The following DAB1 variants were observed in gnomAD, a reference collection of about 807,000 sequenced individuals.
The protein encoded by DAB1 is DAB adaptor protein 1, also known as disabled homolog 1.
In DAB1, 15 loss-of-function variants were observed where a neutral mutation model predicts 64.6. That is an observed-to-expected ratio of 0.23 (90% CI 0.16 to 0.36). The LOEUF is 0.36. Among genes scored for constraint, DAB1 ranks in the 10% least tolerant of loss-of-function variants. DAB1 has a pLI of 1.00. For synonymous variants in DAB1, 235 were observed against 251.9 expected (o/e 0.93, Z 0.64); for missense variants, 596 against 706.7 (o/e 0.84, Z 1.78).
intron 3 of DAB1, among the ~76,000 whole-genome samples, chr1:58,492,178 G>A (rs1365160905): frequency 3.9e-5 from 6 of 152,094 alleles, no homozygotes; most frequent in African/African-American, 9.7e-5. Context: ...GGTACATAAC[G>A]AAATGAAGGC....
At chr1:57,590,735 A>AACACACACACACACAC (rs58957864) in intron 7 of DAB1, among the ~76,000 whole-genome samples, 2 of 132,354 alleles carry the variant, frequency 1.5e-5, no homozygotes, top group Non-Finnish European at 3.2e-5. Flanking sequence ...TGTAGTCCGT[A>AACACACACACACACAC]ACACACACAC....
At chr1:57,815,642 T>A (rs936149588) in intron 6 of DAB1, among the ~76,000 whole-genome samples, 4 of 151,800 alleles carry the variant, frequency 2.6e-5, no homozygotes, top group Admixed American at 6.6e-5. Context: ...TAAATGTATT[T>A]TGTTTTCCTT....
intron 9 of DAB1, among the ~76,000 whole-genome samples, chr1:57,031,917 G>A (rs1646977360): frequency 6.6e-6 from 1 of 152,136 alleles, no homozygotes; most frequent in Non-Finnish European, 1.5e-5. Flanking sequence ...ATTTTCCAGG[G>A]GTAAGAAGAG....
At chr1:57,975,476 G>C (rs552855080) in intron 5 of DAB1, among the ~76,000 whole-genome samples, 4 of 152,278 alleles carry the variant, frequency 2.6e-5, no homozygotes, top group Admixed American at 1.3e-4. Context: ...GTGTCCTGAA[G>C]GATAGAAGTT....
At chr1:58,202,149 A>G (rs1658030627) in intron 4 of DAB1, among the ~76,000 whole-genome samples, 1 of 152,256 alleles carries the variant, frequency 6.6e-6, no homozygotes, top group Non-Finnish European at 1.5e-5. Context: ...GTTAGCTTTA[A>G]AGACAAAAAA....
At chr1:57,542,485 A>G (rs1192303285) in intron 7 of DAB1, among the ~76,000 whole-genome samples, 1 of 149,906 alleles carries the variant, frequency 6.7e-6, no homozygotes, top group African/African-American at 2.5e-5. Flanking sequence ...GGACCAAGAC[A>G]GTGAAAATGA....
chr1:57,334,795 C>CT, intron 1 of DAB1, among the ~76,000 whole-genome samples: 1 of 152,254 alleles, frequency 6.6e-6, no homozygotes, highest in South Asian at 2.1e-4. Context: ...GTGAACCTGC[C>CT]TAAGGTCATC....
chr1:58,275,295 G>A (rs1006071829), intron 4 of DAB1, among the ~76,000 whole-genome samples: 8 of 152,100 alleles, frequency 5.3e-5, no homozygotes, highest in African/African-American at 1.7e-4. Context: ...ATATTACGCC[G>A]AAAGAAGAAA....
intron 7 of DAB1, among the ~76,000 whole-genome samples, chr1:57,525,602 A>C (rs1161877393): frequency 6.6e-6 from 1 of 152,202 alleles, no homozygotes; most frequent in Non-Finnish European, 1.5e-5. Flanking sequence ...AAATAAACGT[A>C]TTGAAAAGAT....
intron 3 of DAB1, among the ~76,000 whole-genome samples, chr1:58,361,868 T>A (rs1007120936): frequency 3.8e-5 from 4 of 105,808 alleles, no homozygotes; most frequent in African/African-American, 1.3e-4. Flanking sequence ...TCCCCCTTTT[T>A]TTTTTTTTTT....
intron 9 of DAB1, among the ~76,000 whole-genome samples, chr1:57,048,851 C>T (rs938582137): frequency 2.0e-5 from 3 of 152,242 alleles, no homozygotes; most frequent in African/African-American, 7.2e-5. Context: ...GGGGTGATCA[C>T]TGTTATTCAG....
chr1:57,377,425 A>G (rs1242360031), intron 1 of DAB1, among the ~76,000 whole-genome samples: 2 of 152,200 alleles, frequency 1.3e-5, no homozygotes, highest in African/African-American at 4.8e-5. Flanking sequence ...TCTTGTCCAC[A>G]GAATCGAAAT....
At chr1:57,484,941 C>T (rs1276128734) in intron 7 of DAB1, among the ~76,000 whole-genome samples, 2 of 152,140 alleles carry the variant, frequency 1.3e-5, no homozygotes, top group Non-Finnish European at 2.9e-5. Context: ...TATAATAAAG[C>T]GGGTATTGAC....
chr1:58,211,658 A>G (rs1462448412), intron 4 of DAB1, among the ~76,000 whole-genome samples: 1 of 152,200 alleles, frequency 6.6e-6, no homozygotes, highest in East Asian at 1.9e-4. Flanking sequence ...AAATACTCCA[A>G]GAAGAAAATA....
chr1:57,826,201 G>T (rs549727735), exon 2 of DAB1: 2 of 152,318 alleles, frequency 1.3e-5, no homozygotes, highest in South Asian at 4.1e-4. Flanking sequence ...CCAAGGAAGT[G>T]GGATGTTTGA....
intron 3 of DAB1, among the ~76,000 whole-genome samples, chr1:58,445,397 G>A (rs1290995687): frequency 6.6e-6 from 1 of 152,152 alleles, no homozygotes; most frequent in African/African-American, 2.4e-5. Flanking sequence ...GAGTACACAA[G>A]CCCACTGCAA....
At chr1:58,127,618 T>C (rs973395942) in intron 5 of DAB1, among the ~76,000 whole-genome samples, 28 of 152,372 alleles carry the variant, frequency 1.8e-4, no homozygotes, top group African/African-American at 6.0e-4. Context: ...CTTTCATCCA[T>C]CTTGAACTGA....
chr1:57,262,903 C>T, intron 2 of DAB1, among the ~76,000 whole-genome samples: 1 of 152,172 alleles, frequency 6.6e-6, no homozygotes, highest in East Asian at 1.9e-4. Context: ...GAACACAGCA[C>T]CTGGCTGGTG....
intron 5 of DAB1, among the ~76,000 whole-genome samples, chr1:58,079,700 T>C (rs1310283719): frequency 6.6e-6 from 1 of 151,840 alleles, no homozygotes; most frequent in Non-Finnish European, 1.5e-5. Context: ...TTTGTATTTT[T>C]AGTAGAGACA....
Sources: allele counts gnomAD v4.1 joint callset (sites outside exome capture counted in the v4.1 genomes callset), GRCh38; gene constraint gnomAD v4.1.1; transcripts MANE v1.5; gene names NCBI Gene and HGNC (gene_info 2026-07-23, HGNC 2026-07-21).